The following MYO16 variants were observed in gnomAD, a reference collection of about 807,000 sequenced individuals.
MYO16 encodes unconventional myosin-XVI.
In MYO16, 94 loss-of-function variants were observed where a neutral mutation model predicts 205.3. The ratio of observed to expected loss-of-function variants is 0.46; its 90% CI spans 0.39 to 0.54. The LOEUF (loss-of-function observed/expected upper bound fraction) is 0.54, where lower values mean the gene tolerates loss of function less well. Among genes scored for constraint, MYO16 ranks in the 20% least tolerant of loss-of-function variants. The probability of loss-of-function intolerance (pLI) is 0.00; values close to 1 mark genes in which losing one functional copy is unlikely to be tolerated. For missense variants in MYO16, 2,315 were observed against 2,387.5 expected (o/e 0.97, Z 0.63); for synonymous variants, 988 against 954.0 (o/e 1.04, Z -0.66).
At chr13:108,652,177 G>C (rs187285941) in intron 1 of MYO16, among the ~76,000 whole-genome samples, 2 of 150,822 alleles carry the variant, frequency 1.3e-5, no homozygotes, top group Non-Finnish European at 3.0e-5. Context: ...ATGTGTGCGC[G>C]TGTGTGTGTG....
the MYO16 span, among the ~76,000 whole-genome samples, chr13:108,528,698 C>A: frequency 8.2e-6 from 1 of 121,896 alleles, no homozygotes; most frequent in South Asian, 3.4e-4. Context: ...CCTCTCCTTT[C>A]CCCTCCTCTC....
chr13:109,076,661 C>A (rs1888116967), intron 27 of MYO16, among the ~76,000 whole-genome samples: 1 of 152,156 alleles, frequency 6.6e-6, no homozygotes, highest in Admixed American at 6.6e-5. Context: ...AAGAGTAGAA[C>A]CTTCCTCTTC....
chr13:108,606,277 G>A (rs1878955079), intron 1 of MYO16, among the ~76,000 whole-genome samples: 1 of 152,168 alleles, frequency 6.6e-6, no homozygotes, highest in South Asian at 2.1e-4. Flanking sequence ...AAGACAATGG[G>A]GAATTTGTCT....
chr13:108,709,671 G>T (rs916479615), intron 2 of MYO16, among the ~76,000 whole-genome samples: 5 of 135,460 alleles, frequency 3.7e-5, no homozygotes, highest in Non-Finnish European at 6.5e-5. Context: ...TTACACAAAT[G>T]ATATTTTCTT....
intron 2 of MYO16, among the ~76,000 whole-genome samples, chr13:108,686,097 A>C (rs907433316): frequency 6.6e-6 from 1 of 152,224 alleles, no homozygotes; most frequent in African/African-American, 2.4e-5. Context: ...GACGTAGCAG[A>C]GCTCTAAGAA....
At chr13:109,014,579 T>C (rs1310531231) in intron 22 of MYO16, among the ~76,000 whole-genome samples, 2 of 152,200 alleles carry the variant, frequency 1.3e-5, no homozygotes, top group East Asian at 3.8e-4. Flanking sequence ...TTCACGATAT[T>C]GATTCTTCCT....
At chr13:109,176,599 A>AAAAAAAAAAAAC (rs1879197951) in intron 33 of MYO16, among the ~76,000 whole-genome samples, 1 of 149,582 alleles carries the variant, frequency 6.7e-6, no homozygotes, top group East Asian at 1.9e-4. Context: ...AAAAAAAAAA[A>AAAAAAAAAAAAC]AAGACCTCCT....
At chr13:109,026,126 C>A (rs1271555649) in intron 23 of MYO16, among the ~76,000 whole-genome samples, 1 of 152,204 alleles carries the variant, frequency 6.6e-6, no homozygotes, top group Non-Finnish European at 1.5e-5. Context: ...CTCCTTCTCC[C>A]CACAAATGCT....
rs1555340676 is a variant in MYO16, at chr13:109,201,511, AAT to A, written c.5416-5097_5416-5096del. The stretch of plus-strand genomic sequence containing the variant: ...TTCTACAAAAAAAAAAAAAAAAAAA[AAT>A]CTTATTCTTTCTATTAATGTAAGAG... On this transcript the variant is annotated intron_variant, in intron 34 of 34. Transcript: ENST00000457511. 3.4e-3 allele frequency: 515 copies of A among 150,740 alleles called. 5 individuals carry two copies. The highest frequency in any genetic ancestry group is 0.011 in the African/African-American group (465 of 40,894). 9.3% of individuals were successfully genotyped at this position (150,740 alleles called of 1,614,324 possible).
rs753135233 is a variant in MYO16 at position 109,141,390 on chromosome 13, A to ACATC, written c.5164+16_5164+19dup. On this transcript the variant is annotated intron_variant, in intron 32 of 34. Transcript: ENST00000457511. The surrounding 1 kb of genome is among the most constrained non-coding windows in gnomAD (Gnocchi z 4.1). ...GGGAAGCAGAAGGTAAGCGGAGCAG[A>ACATC]CATCCCCCCACTCCTTTTGCATGGA... 1 of 1,449,684 alleles carries ACATC rather than the reference A, an allele frequency of 6.9e-7. No homozygotes were observed. The highest frequency in any genetic ancestry group is 1.4e-5 in the African/African-American group (1 of 69,004). The allele number at this position is 1,449,684 out of a possible 1,614,324, so 89.8% of individuals were successfully genotyped here.
In MYO16 at chr13:109,051,659, G is replaced by A. The variant is rs900748269; in HGVS notation, c.2873-641G>A. Among the ~76,000 whole-genome samples the A allele has an allele frequency of 2.0e-5, 3 of 152,108 alleles. No individual in the cohort carries two copies. The East Asian group carries it at 5.8e-4, about 29-fold the overall frequency. On this transcript the variant is annotated intron_variant, in intron 24 of 34. Coordinates refer to ENST00000457511, the MANE Select transcript of MYO16 (RefSeq NM_001198950.3). ...ATTTCTTCCTGAGGTGTCAAGAAAG[G>A]AATATGGACTCATGGACTCAGAATT...
chr13:109,025,240 C>A (rs1249101745), intron 23 of MYO16, among the ~76,000 whole-genome samples: 2 of 152,156 alleles, frequency 1.3e-5, no homozygotes, highest in African/African-American at 2.4e-5. Context: ...GCATCCAGCC[C>A]CACCTGGAGG....
the MYO16 span, among the ~76,000 whole-genome samples, chr13:108,588,376 G>T: frequency 6.6e-6 from 1 of 152,176 alleles, no homozygotes; most frequent in African/African-American, 2.4e-5. Flanking sequence ...TACTGGCTCA[G>T]CGCTAGGTAG....
chr13:108,736,978 C>T (rs906859888), intron 4 of MYO16, among the ~76,000 whole-genome samples: 3 of 152,268 alleles, frequency 2.0e-5, no homozygotes, highest in Admixed American at 6.5e-5. Flanking sequence ...GATTTTTGCA[C>T]ATTGATTTTG....
chr13:108,938,113 C>T (rs930290357), intron 16 of MYO16, among the ~76,000 whole-genome samples: 1 of 151,230 alleles, frequency 6.6e-6, no homozygotes, highest in Admixed American at 6.6e-5. Context: ...TTTTCTTTTC[C>T]TCTCCCTTTT....
chr13:109,177,131 T>C (rs1407255953), intron 33 of MYO16, among the ~76,000 whole-genome samples: 1 of 152,140 alleles, frequency 6.6e-6, no homozygotes, highest in East Asian at 1.9e-4. Flanking sequence ...ATTCTCCTCC[T>C]CCTCGAAGGC....
At chr13:108,952,878 G>A (rs1883209238) in intron 16 of MYO16, among the ~76,000 whole-genome samples, 2 of 152,110 alleles carry the variant, frequency 1.3e-5, no homozygotes, top group Admixed American at 1.3e-4. Flanking sequence ...TTAAGTTAAA[G>A]GGTATGAACG....
the MYO16 span, among the ~76,000 whole-genome samples, chr13:108,586,432 T>A: frequency 6.6e-6 from 1 of 152,192 alleles, no homozygotes; most frequent in South Asian, 2.1e-4. Context: ...TGGGTACTAC[T>A]GAAGGTCCAT....
intron 14 of MYO16, among the ~76,000 whole-genome samples, chr13:108,896,184 T>A (rs550663933): frequency 6.6e-6 from 1 of 152,242 alleles, no homozygotes; most frequent in Non-Finnish European, 1.5e-5. Flanking sequence ...AACACCAGAA[T>A]AACTAGAAGC....
Sources: gnomAD v4.1 joint callset for allele counts (sites outside exome capture counted in the v4.1 genomes callset) on GRCh38, gnomAD v4.1.1 for gene constraint, Gnocchi (gnomAD v3.1) non-coding constraint, MANE v1.5 for transcripts, NCBI Gene and HGNC (gene_info 2026-07-23, HGNC 2026-07-21) for gene names.